Variants in MSMO1 observed in about 807,000 individuals in gnomAD.
MSMO1 encodes the protein methylsterol monooxygenase 1, also known as C-4 methylsterol oxidase.
Under a neutral mutation model 30.4 loss-of-function variants are expected in MSMO1, and 18 were observed. The ratio of observed to expected loss-of-function variants is 0.59; its 90% CI spans 0.41 to 0.88. MSMO1 has a LOEUF of 0.88. MSMO1 is among the 40% of genes least tolerant of loss of function. The probability of loss-of-function intolerance (pLI) is 0.00; values close to 1 mark genes in which losing one functional copy is unlikely to be tolerated. For synonymous variants in MSMO1, 84 were observed against 107.9 expected, an observed-to-expected ratio of 0.78 and a Z score of 1.37; for missense variants, 284 against 340.5, an observed-to-expected ratio of 0.83 and a Z score of 1.31.
At chr4:165,339,612 A>T (rs572445062) in intron 4 of MSMO1, among the ~76,000 whole-genome samples, 10 of 152,308 alleles carry the variant, frequency 6.6e-5, no homozygotes, top group African/African-American at 2.4e-4. Context: ...TAGACTTTTG[A>T]TGTGGAGTAA....
chr4:165,329,887 G>A (rs1407361287), intron 1 of MSMO1, among the ~76,000 whole-genome samples: 1 of 152,028 alleles, frequency 6.6e-6, no homozygotes, highest in Non-Finnish European at 1.5e-5. Context: ...GCCCACCTCA[G>A]CCTCCCAAAG....
rs1318172537 is a variant in MSMO1 at position 165,342,813 on chromosome 4, G to C, written c.*867G>C. On this transcript the variant is annotated 3_prime_UTR_variant, in exon 6 of 6. Transcript: ENST00000261507. Reference sequence around the variant, plus strand: ...AATCTAGAGCTGACCAGTTTGAGCTGATTCTCTCTTTGAAGAGTCCTTCTT... The same window carrying C: ...AATCTAGAGCTGACCAGTTTGAGCTCATTCTCTCTTTGAAGAGTCCTTCTT... 1 of 146,604 alleles carries C rather than the reference G, an allele frequency of 6.8e-6. No homozygotes were observed. The highest frequency in any genetic ancestry group is 1.5e-5 in the Non-Finnish European group (1 of 68,004). 9.1% of individuals were successfully genotyped at this position (146,604 alleles called of 1,614,324 possible).
intron 1 of MSMO1, among the ~76,000 whole-genome samples, chr4:165,331,511 GA>G (rs140442476): frequency 0.21 from 31,946 of 152,030 alleles, 4,007 homozygotes; most frequent in Non-Finnish European, 0.3. Flanking sequence ...ACACAGGATG[GA>G]ACACTATAGT....
chr4:165,340,100 C>A, intron 4 of MSMO1, 121 bp from the exon 5 acceptor site: 2 of 823,490 alleles, frequency 2.4e-6, no homozygotes, highest in South Asian at 1.5e-5. Flanking sequence ...AATACCTTCA[C>A]AACAACATCT....
rs28697162 is a variant in MSMO1, at chr4:165,339,084, C to T, written c.531+306C>T. On this transcript the variant is annotated intron_variant, in intron 4 of 5. Transcript: ENST00000261507. The stretch of plus-strand genomic sequence containing the variant: ...CTAACTCCCACAAAAACAGTAACTT[C>T]TATGAGCACTGCTTTTTTTTTTTTT... Among the ~76,000 whole-genome samples, 899 of 133,276 alleles carry T rather than the reference C, an allele frequency of 6.7e-3. 12 individuals are homozygous for T. Among genetic ancestry groups the T allele is most frequent in the African/African-American group, 0.023 (834 of 35,898 alleles). The allele number at this position is 133,276 out of a possible 152,430, so 87.4% of individuals were successfully genotyped here.
At chr4:165,339,020 T>G (rs957097040) in intron 4 of MSMO1, among the ~76,000 whole-genome samples, 2 of 150,348 alleles carry the variant, frequency 1.3e-5, no homozygotes, top group African/African-American at 4.9e-5. Flanking sequence ...TCCATCCTTG[T>G]GGACAGTGCT....
intron 4 of MSMO1, among the ~76,000 whole-genome samples, chr4:165,339,107 T>TTTTTTTC: frequency 7.2e-6 from 1 of 139,344 alleles, no homozygotes; most frequent in Non-Finnish European, 1.5e-5. Flanking sequence ...TTTTTTTTTT[T>TTTTTTTC]TTTTTTTTTT....
chr4:165,338,591 A>G lies in MSMO1; in HGVS notation c.405-61A>G, dbSNP rs1579217643. ...ATGTCTCAAGCAGTGATCCCAACTA[A>G]AAGTCTGGATAGTTTAAGTAAAAAT... On this transcript the variant is annotated intron_variant, in intron 3 of 5. Coordinates refer to ENST00000261507, the MANE Select transcript of MSMO1 (RefSeq NM_006745.5). 42 of 1,466,780 alleles carry G rather than the reference A, an allele frequency of 2.9e-5. No homozygotes were observed. The East Asian group carries it at 9.3e-4, about 33-fold the overall frequency. 90.9% of individuals were successfully genotyped at this position (1,466,780 alleles called of 1,614,324 possible).
chr4:165,338,603 G>A (rs1560850265), intron 3 of MSMO1, 49 bp from the exon 4 acceptor site: 1 of 1,534,028 alleles, frequency 6.5e-7, no homozygotes, highest in Non-Finnish European at 9.0e-7. Flanking sequence ...AGTCTGGATA[G>A]TTTAAGTAAA....
Position 165,342,000 on chromosome 4 carries a change from A to G in MSMO1, c.*54A>G. 1 of 1,403,382 alleles carries G rather than the reference A, an allele frequency of 7.1e-7. No individual in the cohort carries two copies. Among genetic ancestry groups the G allele is most frequent in the South Asian group, 1.2e-5 (1 of 85,164 alleles). 86.9% of individuals were successfully genotyped at this position (1,403,382 alleles called of 1,614,324 possible). A position where few individuals can be genotyped will look rare whatever the true frequency, so the allele number is the denominator to read the frequency against. Reference sequence around the variant, plus strand: ...AAACGTTTTCCTGAATTCAGAAACTAGTAGCTAACATTGCTTCTGGAGAGC... The same window carrying G: ...AAACGTTTTCCTGAATTCAGAAACTGGTAGCTAACATTGCTTCTGGAGAGC... On this transcript the variant is annotated 3_prime_UTR_variant, in exon 6 of 6. Coordinates refer to ENST00000261507, the MANE Select transcript of MSMO1 (RefSeq NM_006745.5).
chr4:165,335,130 C>A (rs368524308), intron 2 of MSMO1, among the ~76,000 whole-genome samples: 1 of 152,150 alleles, frequency 6.6e-6, no homozygotes, highest in African/African-American at 2.4e-5. Context: ...TGAGCATCTT[C>A]AGATCTTGGT....
chr4:165,331,468 T>C (rs938742480), intron 1 of MSMO1, among the ~76,000 whole-genome samples: 1 of 151,902 alleles, frequency 6.6e-6, no homozygotes, highest in African/African-American at 2.4e-5. Flanking sequence ...GAGGAAAGAA[T>C]GAATGAGCAA....
At chr4:165,338,459 C>T (rs1747623278) in intron 3 of MSMO1, among the ~76,000 whole-genome samples, 193 bp from the exon 4 acceptor site, 1 of 151,984 alleles carries the variant, frequency 6.6e-6, no homozygotes, top group African/African-American at 2.4e-5. Flanking sequence ...TGGGCAGTCT[C>T]TTTAACCTTA....
chr4:165,340,434 C>T (rs1747685847), intron 5 of MSMO1, 59 bp downstream of exon 5: 1 of 1,395,568 alleles, frequency 7.2e-7, no homozygotes, highest in Non-Finnish European at 1.0e-6. Context: ...TTTTCATGGC[C>T]ATAAGATTAT....
chr4:165,339,096 CTTTTTTTTTTTTTT>C (rs869192459), intron 4 of MSMO1, among the ~76,000 whole-genome samples: 4 of 60,522 alleles, frequency 6.6e-5, no homozygotes, highest in African/African-American at 2.7e-4. Flanking sequence ...ATGAGCACTG[CTTTTTTTTTTTTTT>C]TTTTTTTTTT....
intron 3 of MSMO1, among the ~76,000 whole-genome samples, chr4:165,338,159 A>G (rs1747610233): frequency 6.6e-6 from 1 of 152,064 alleles, no homozygotes; most frequent in African/African-American, 2.4e-5. Context: ...AGAAGTTTCC[A>G]TAACGTCTTT....
intron 1 of MSMO1, among the ~76,000 whole-genome samples, chr4:165,331,303 C>CA (rs1007089608): frequency 7.7e-5 from 9 of 116,904 alleles, no homozygotes; most frequent in East Asian, 7.4e-4. Flanking sequence ...GACCCTGTCT[C>CA]AAAAAAAAAG....
chr4:165,329,340 A>G (rs1412347233), intron 1 of MSMO1, among the ~76,000 whole-genome samples: 4 of 152,080 alleles, frequency 2.6e-5, no homozygotes, highest in Non-Finnish European at 4.4e-5. Flanking sequence ...AGAAGTTCAT[A>G]GCACTGTGTA....
chr4:165,340,933 T>C (rs1747699017), intron 5 of MSMO1, among the ~76,000 whole-genome samples: 2 of 152,222 alleles, frequency 1.3e-5, no homozygotes, highest in African/African-American at 4.8e-5. Context: ...ATGCAGAATA[T>C]CAAATTCTAA....
Sources: allele counts gnomAD v4.1 joint callset (sites outside exome capture counted in the v4.1 genomes callset), GRCh38; gene constraint gnomAD v4.1.1; transcripts MANE v1.5; gene names NCBI Gene and HGNC (gene_info 2026-07-23, HGNC 2026-07-21).